The following GBE1 variants were observed in gnomAD, a reference collection of about 807,000 sequenced individuals.
The protein encoded by GBE1 is 1,4-alpha-glucan branching enzyme 1, also known as 1,4-alpha-glucan-branching enzyme.
Under a neutral mutation model 88.8 loss-of-function variants are expected in GBE1, and 70 were observed. That is an observed-to-expected ratio of 0.79 (90% confidence interval 0.65 to 0.96). The LOEUF (loss-of-function observed/expected upper bound fraction) is 0.96. GBE1 is among the 40% of genes least tolerant of loss of function. The pLI, the probability that GBE1 is intolerant of heterozygous loss-of-function variation, is 0.00. For synonymous variants in GBE1, 284 were observed against 300.1 expected, an observed-to-expected ratio of 0.95 and a Z score of 0.56; for missense variants, 872 against 871.0, an observed-to-expected ratio of 1.00 and a Z score of -0.01.
At chr3:81,682,719 A>G (rs1705368148) in intron 2 of GBE1, among the ~76,000 whole-genome samples, 1 of 152,216 alleles carries the variant, frequency 6.6e-6, no homozygotes, top group South Asian at 2.1e-4. Context: ...AGACAGAGTT[A>G]CCATTAGACA....
intron 2 of GBE1, among the ~76,000 whole-genome samples, chr3:81,702,096 AGAGAGAGTGT>A (rs1214231510): frequency 3.7e-4 from 13 of 34,922 alleles, no homozygotes; most frequent in South Asian, 3.3e-3. Context: ...AGAGAGAGAG[AGAGAGAGTGT>A]GTGTGTGTGT....
intron 13 of GBE1, among the ~76,000 whole-genome samples, chr3:81,536,628 A>C (rs993045384): frequency 6.6e-5 from 10 of 152,058 alleles, no homozygotes; most frequent in African/African-American, 2.4e-4. Flanking sequence ...GGTTCCCTGC[A>C]GAGCTTTTAT....
At chr3:81,670,750 T>C in intron 3 of GBE1, 88 bp downstream of exon 3, 1 of 694,050 alleles carries the variant, frequency 1.4e-6, no homozygotes, top group Non-Finnish European at 2.4e-6. Context: ...ATGCATCAGT[T>C]GTACATTCTA....
intron 7 of GBE1, among the ~76,000 whole-genome samples, chr3:81,596,077 T>G (rs555202058): frequency 6.6e-6 from 1 of 151,968 alleles, no homozygotes; most frequent in Non-Finnish European, 1.5e-5. Flanking sequence ...TCTTTTATAT[T>G]TTATGAATCA....
intron 14 of GBE1, among the ~76,000 whole-genome samples, chr3:81,501,003 T>C (rs1319972853): frequency 6.6e-6 from 1 of 151,998 alleles, no homozygotes; most frequent in Non-Finnish European, 1.5e-5. Context: ...ACCCATCAGG[T>C]ACTATGCTTA....
chr3:81,521,103 C>A (rs998775260), intron 14 of GBE1, among the ~76,000 whole-genome samples: 1 of 151,516 alleles, frequency 6.6e-6, no homozygotes, highest in Non-Finnish European at 1.5e-5. Flanking sequence ...TGGCAGTCAC[C>A]ATCTATTCTC....
chr3:81,694,182 G>T (rs931255663), intron 2 of GBE1, among the ~76,000 whole-genome samples: 2 of 151,954 alleles, frequency 1.3e-5, no homozygotes, highest in African/African-American at 2.4e-5. Context: ...ATGAGGGAAG[G>T]GGGGAGAAAA....
intron 12 of GBE1, among the ~76,000 whole-genome samples, chr3:81,566,635 T>C (rs1339185661): frequency 6.6e-6 from 1 of 152,210 alleles, no homozygotes; most frequent in Non-Finnish European, 1.5e-5. Flanking sequence ...ATCTCATACC[T>C]TCTATTTTTT....
At chr3:81,596,476 A>G (rs768655956) in intron 7 of GBE1, among the ~76,000 whole-genome samples, 4 of 151,978 alleles carry the variant, frequency 2.6e-5, no homozygotes, top group Admixed American at 2.0e-4. Context: ...TGTATCAGTT[A>G]TGCAAAAAAT....
chr3:81,744,483 A>G (rs984227025), intron 1 of GBE1, among the ~76,000 whole-genome samples: 1 of 152,134 alleles, frequency 6.6e-6, no homozygotes, highest in African/African-American at 2.4e-5. Context: ...ATGAGCATTC[A>G]GTACTCATTT....
At chr3:81,741,773 C>CACTCTACATAATATATAGAGTATTAT (rs1223316235) in intron 1 of GBE1, among the ~76,000 whole-genome samples, 120 of 148,440 alleles carry the variant, frequency 8.1e-4, no homozygotes, top group African/African-American at 2.8e-3. Context: ...TAATATATAA[C>CACTCTACATAATATATAGAGTATTAT]ACTCTACATA....
At chr3:81,686,442 A>C (rs1436001512) in intron 2 of GBE1, among the ~76,000 whole-genome samples, 1 of 152,186 alleles carries the variant, frequency 6.6e-6, no homozygotes, top group Non-Finnish European at 1.5e-5. Flanking sequence ...TATTCTGCAT[A>C]GAAAAAATAT....
intron 11 of GBE1, 66 bp from the exon 12 acceptor site, chr3:81,578,162 A>G (rs1309057445): frequency 1.8e-6 from 2 of 1,082,370 alleles, no homozygotes; most frequent in Non-Finnish European, 2.7e-6. Context: ...GATTTACAAT[A>G]GAACAATGCA....
intron 1 of GBE1, among the ~76,000 whole-genome samples, chr3:81,717,955 TTTTATTTATTTATTTATTTATTTA>T (rs57810073): frequency 6.8e-6 from 1 of 146,980 alleles, no homozygotes; most frequent in Non-Finnish European, 1.5e-5. Context: ...GGAAATTTTA[TTTTATTTATTTATTTATTTATTTA>T]TTTATTTATT....
intron 1 of GBE1, 46 bp downstream of exon 1, chr3:81,761,329 A>G (rs1706682537): frequency 6.4e-7 from 1 of 1,568,230 alleles, no homozygotes; most frequent in Non-Finnish European, 8.7e-7. Context: ...GGCTCCTGGG[A>G]GGCGGGCTGC....
intron 7 of GBE1, among the ~76,000 whole-genome samples, chr3:81,622,900 C>T (rs1261608830): frequency 6.6e-6 from 1 of 152,036 alleles, no homozygotes; most frequent in Non-Finnish European, 1.5e-5. Context: ...TTATTAAAGC[C>T]CCTGATGCTA....
chr3:81,759,604 C>A (rs536671076), intron 1 of GBE1, among the ~76,000 whole-genome samples: 20 of 152,280 alleles, frequency 1.3e-4, no homozygotes, highest in Admixed American at 9.8e-4. Context: ...TAGCAAATGG[C>A]CATTACTCAG....
chr3:81,629,945 G>A (rs908752501), intron 7 of GBE1, among the ~76,000 whole-genome samples: 9 of 134,840 alleles, frequency 6.7e-5, no homozygotes, highest in Non-Finnish European at 1.2e-4. Flanking sequence ...CAATTCCCAC[G>A]TATGAGTGAG....
intron 12 of GBE1, among the ~76,000 whole-genome samples, chr3:81,569,818 AT>A (rs1703548569): frequency 6.6e-6 from 1 of 152,004 alleles, no homozygotes. Flanking sequence ...TACTTATTTT[AT>A]TTTATTTTTT....
Sources: gnomAD v4.1 joint callset for allele counts (sites outside exome capture counted in the v4.1 genomes callset) on GRCh38, gnomAD v4.1.1 for gene constraint, MANE v1.5 for transcripts, NCBI Gene and HGNC (gene_info 2026-07-23, HGNC 2026-07-21) for gene names.